Variants in SLC25A21 observed in about 807,000 individuals in gnomAD.
SLC25A21 encodes the protein mitochondrial 2-oxodicarboxylate carrier.
SLC25A21 carries 47 observed loss-of-function variants against 43.8 expected under a neutral mutation model. That is an observed-to-expected ratio of 1.07 (90% confidence interval 0.85 to 1.37). SLC25A21 has a LOEUF of 1.37. Among genes scored for constraint, SLC25A21 ranks in the 40% most tolerant of loss-of-function variants. The pLI is 0.00. For missense variants in SLC25A21, 352 were observed against 350.2 expected, an observed-to-expected ratio of 1.00 and a Z score of -0.04; for synonymous variants, 131 against 121.3, an observed-to-expected ratio of 1.08 and a Z score of -0.52.
chr14:37,166,930 T>TA (rs1319987023), intron 1 of SLC25A21, among the ~76,000 whole-genome samples: 1 of 152,228 alleles, frequency 6.6e-6, no homozygotes, highest in East Asian at 1.9e-4. Flanking sequence ...CGAAAGCCTC[T>TA]AGTCTTTCAG....
In SLC25A21 at chr14:36,742,141, T is replaced by A. The variant is rs116030157; in HGVS notation, c.204-7568A>T. ...ATCAGTCATTTTCTCCAAATTATAC[T>A]GAAATACAGATCTTGCTAGTTTGTT... On this transcript the variant is annotated intron_variant, in intron 3 of 9. Coordinates refer to ENST00000331299, the MANE Select transcript of SLC25A21 (RefSeq NM_030631.4). Among the ~76,000 whole-genome samples the A allele has an allele frequency of 6.8e-3, 1,030 of 152,354 alleles. 13 individuals carry two copies. Among genetic ancestry groups the A allele is most frequent in the African/African-American group, 0.023 (959 of 41,580 alleles).
chr14:36,811,311 A>G (rs148429808), intron 3 of SLC25A21, among the ~76,000 whole-genome samples: 1,727 of 152,294 alleles, frequency 0.011, 34 homozygotes, highest in African/African-American at 0.04. Flanking sequence ...GAGAATCAAA[A>G]TGGAAAATTA....
At chr14:36,967,746 A>G (rs568455131) in intron 1 of SLC25A21, among the ~76,000 whole-genome samples, 1 of 152,330 alleles carries the variant, frequency 6.6e-6, no homozygotes, top group African/African-American at 2.4e-5. Context: ...AGGTACAATG[A>G]TGAAGATTGA....
intron 1 of SLC25A21, among the ~76,000 whole-genome samples, chr14:36,902,677 T>C (rs546034597): frequency 1.3e-5 from 2 of 152,332 alleles, no homozygotes; most frequent in East Asian, 3.9e-4. Flanking sequence ...TTCTTCAAAA[T>C]TTCTATATTC....
chr14:37,089,826 T>C (rs1365027816), intron 1 of SLC25A21, among the ~76,000 whole-genome samples: 1 of 152,254 alleles, frequency 6.6e-6, no homozygotes, highest in Non-Finnish European at 1.5e-5. Context: ...GATTAAAATA[T>C]TCTGCTTTAG....
chr14:37,085,553 T>C (rs1330798206), intron 1 of SLC25A21, among the ~76,000 whole-genome samples: 2 of 152,220 alleles, frequency 1.3e-5, no homozygotes, highest in African/African-American at 2.4e-5. Flanking sequence ...ATTTCCTGTA[T>C]GGACATTGTA....
intron 1 of SLC25A21, among the ~76,000 whole-genome samples, chr14:37,045,221 T>C (rs182651110): frequency 3.8e-4 from 58 of 152,338 alleles, no homozygotes; most frequent in African/African-American, 1.3e-3. Context: ...GAACTCTCTA[T>C]GTTGTAAATT....
At chr14:36,920,078 T>G (rs1045933035) in intron 1 of SLC25A21, among the ~76,000 whole-genome samples, 1 of 151,994 alleles carries the variant, frequency 6.6e-6, no homozygotes, top group Non-Finnish European at 1.5e-5. Flanking sequence ...AGTTTTGAAG[T>G]TTTTCTGTAT....
At chr14:37,022,906 A>G (rs1961017336) in intron 1 of SLC25A21, among the ~76,000 whole-genome samples, 1 of 152,070 alleles carries the variant, frequency 6.6e-6, no homozygotes, top group Non-Finnish European at 1.5e-5. Context: ...CTTTTAGTAT[A>G]AAAACAATAG....
intron 5 of SLC25A21, among the ~76,000 whole-genome samples, chr14:36,728,953 G>C (rs1400499868): frequency 6.6e-6 from 1 of 152,184 alleles, no homozygotes; most frequent in African/African-American, 2.4e-5. Context: ...ATGGCATAGG[G>C]AAATGTTCAA....
intron 1 of SLC25A21, among the ~76,000 whole-genome samples, chr14:36,960,706 G>A (rs1344592815): frequency 6.6e-6 from 1 of 151,954 alleles, no homozygotes; most frequent in Admixed American, 6.6e-5. Flanking sequence ...TCCCTCTAAA[G>A]CAAGAAATGT....
intron 1 of SLC25A21, among the ~76,000 whole-genome samples, chr14:37,035,591 T>C (rs1003500849): frequency 2.6e-5 from 4 of 152,238 alleles, no homozygotes; most frequent in Non-Finnish European, 5.9e-5. Context: ...GGTCTTATAT[T>C]CTCAACAAAC....
chr14:36,994,884 C>T (rs528754378), intron 1 of SLC25A21, among the ~76,000 whole-genome samples: 3 of 152,284 alleles, frequency 2.0e-5, no homozygotes, highest in Non-Finnish European at 2.9e-5. Context: ...GTTACCATTG[C>T]CTTTATTTCC....
At chr14:36,718,132 T>C (rs1395843530) in intron 6 of SLC25A21, among the ~76,000 whole-genome samples, 1 of 152,162 alleles carries the variant, frequency 6.6e-6, no homozygotes, top group Non-Finnish European at 1.5e-5. Flanking sequence ...ATTCTGTAAA[T>C]GGTAGCTATT....
At chr14:37,003,503 A>G (rs1960533275) in intron 1 of SLC25A21, among the ~76,000 whole-genome samples, 1 of 152,226 alleles carries the variant, frequency 6.6e-6, no homozygotes, top group Admixed American at 6.5e-5. Flanking sequence ...ACTATTTGTA[A>G]TAGTTAAAAA....
At chr14:36,768,404 AT>A (rs1438066124) in intron 3 of SLC25A21, among the ~76,000 whole-genome samples, 1 of 152,198 alleles carries the variant, frequency 6.6e-6, no homozygotes, top group African/African-American at 2.4e-5. Context: ...TTGATTACCA[AT>A]TTTTTTAATT....
At chr14:37,030,253 T>C (rs541735502) in intron 1 of SLC25A21, among the ~76,000 whole-genome samples, 5 of 152,218 alleles carry the variant, frequency 3.3e-5, no homozygotes, top group South Asian at 4.2e-4. Context: ...TTATGTTGAA[T>C]AGACTGAGGA....
At chr14:37,091,283 A>C (rs573566198) in intron 1 of SLC25A21, among the ~76,000 whole-genome samples, 1 of 152,122 alleles carries the variant, frequency 6.6e-6, no homozygotes, top group South Asian at 2.1e-4. Flanking sequence ...AAATACAAAA[A>C]ATTAGCTGGG....
intron 7 of SLC25A21, among the ~76,000 whole-genome samples, chr14:36,697,265 G>A (rs1002900513): frequency 2.0e-5 from 3 of 152,302 alleles, no homozygotes; most frequent in Middle Eastern, 3.4e-3. Context: ...TTGCACTGTG[G>A]TCTGAGAGAC....
Sources: gnomAD v4.1 joint callset for allele counts (sites outside exome capture counted in the v4.1 genomes callset) on GRCh38, gnomAD v4.1.1 for gene constraint, MANE v1.5 for transcripts, NCBI Gene and HGNC (gene_info 2026-07-23, HGNC 2026-07-21) for gene names.